GPHN: variants seen among roughly 807,000 people sequenced by gnomAD.
GPHN encodes gephyrin.
A neutral mutation model predicts 95.5 loss-of-function variants in GPHN; 17 were observed. That is an observed-to-expected ratio of 0.18 (90% CI 0.12 to 0.27). The LOEUF is 0.27. GPHN is among the 10% of genes least tolerant of loss of function. The probability of loss-of-function intolerance (pLI) is 1.00; values close to 1 mark genes in which losing one functional copy is unlikely to be tolerated. For synonymous variants in GPHN, 320 were observed against 322.5 expected (o/e 0.99, Z 0.08); for missense variants, 660 against 978.1 (o/e 0.67, Z 4.34).
At chr14:66,750,927 T>C (rs1270047813) in intron 2 of GPHN, among the ~76,000 whole-genome samples, 1 of 151,966 alleles carries the variant, frequency 6.6e-6, no homozygotes, top group African/African-American at 2.4e-5. Context: ...ATTTGGCTGG[T>C]TTTCTAATTT....
chr14:66,605,751 C>G (rs1271164690), intron 1 of GPHN, among the ~76,000 whole-genome samples: 2 of 152,012 alleles, frequency 1.3e-5, no homozygotes, highest in Non-Finnish European at 2.9e-5. Context: ...CCAGGATGGT[C>G]TCGATCTCCT....
At chr14:66,581,960 C>T (rs2061196452) in intron 1 of GPHN, among the ~76,000 whole-genome samples, 1 of 151,894 alleles carries the variant, frequency 6.6e-6, no homozygotes, top group South Asian at 2.1e-4. Context: ...TAGTATGCCT[C>T]TTTAAATAAT....
the GPHN span, among the ~76,000 whole-genome samples, chr14:67,403,431 C>T: frequency 4.6e-5 from 7 of 152,298 alleles, no homozygotes; most frequent in African/African-American, 1.7e-4. Flanking sequence ...GAAATGACAC[C>T]AACCTAGTAC....
intron 1 of GPHN, among the ~76,000 whole-genome samples, chr14:66,558,981 T>C (rs1026762516): frequency 6.6e-6 from 1 of 150,376 alleles, no homozygotes; most frequent in Non-Finnish European, 1.5e-5. Flanking sequence ...AGTGAGAATA[T>C]GTGGTGTTTG....
chr14:67,182,639 T>A (rs1030117245), downstream of GPHN, among the ~76,000 whole-genome samples: 29 of 152,082 alleles, frequency 1.9e-4, no homozygotes, highest in African/African-American at 6.8e-4. Flanking sequence ...CATGCTACTA[T>A]TTACAAACAT....
the GPHN span, among the ~76,000 whole-genome samples, chr14:67,697,530 A>G: frequency 3.3e-5 from 5 of 152,362 alleles, no homozygotes; most frequent in Admixed American, 1.3e-4. Flanking sequence ...CCCTGTCCCA[A>G]TGATTTATAT....
chr14:67,241,084 G>C, the GPHN span: 2 of 152,270 alleles, frequency 1.3e-5, no homozygotes, highest in Non-Finnish European at 2.9e-5. Context: ...GGCTCTACCG[G>C]GCCAGCTAGC....
chr14:66,977,430 CA>C lies in GPHN; in HGVS notation c.963+12117del, dbSNP rs1055532332. Among the ~76,000 whole-genome samples the C allele has an allele frequency of 8.8e-3, 1,206 of 137,660 alleles. 15 individuals are homozygous for C. The highest frequency in any genetic ancestry group is 0.029 in the African/African-American group (1,079 of 37,512). 90.3% of individuals were successfully genotyped at this position (137,660 alleles called of 152,430 possible). A position where few individuals can be genotyped will look rare whatever the true frequency, so the allele number is the denominator to read the frequency against. ...TGGGTGACAGAGCGAGACCCCATCT[CA>C]AAAAAAAAAAATTATGTTTTAATCA... On this transcript the variant is annotated intron_variant, in intron 9 of 22. Coordinates refer to ENST00000478722, the MANE Select transcript of GPHN (RefSeq NM_020806.5).
intron 4 of GPHN, among the ~76,000 whole-genome samples, chr14:66,824,789 A>G (rs2061333074): frequency 6.6e-6 from 1 of 152,122 alleles, no homozygotes; most frequent in African/African-American, 2.4e-5. Flanking sequence ...GGAAGATTAA[A>G]CTGGTCCAGA....
chr14:67,103,913 A>G (rs151104592), intron 13 of GPHN, among the ~76,000 whole-genome samples: 1 of 152,322 alleles, frequency 6.6e-6, no homozygotes, highest in East Asian at 1.9e-4. Flanking sequence ...TAGGTTGAAT[A>G]AAAGTGTTGA....
chr14:67,466,529 C>T, the GPHN span, among the ~76,000 whole-genome samples: 3 of 152,208 alleles, frequency 2.0e-5, no homozygotes. Context: ...CCCAAAAGAG[C>T]CTGGGAACTG....
the GPHN span, among the ~76,000 whole-genome samples, chr14:67,287,005 T>G: frequency 1.3e-5 from 2 of 151,924 alleles, no homozygotes; most frequent in African/African-American, 4.8e-5. Flanking sequence ...ATCACTTGAG[T>G]CCAGGAGTTC....
Position 66,621,464 on chromosome 14 carries a change from G to A in GPHN, c.65-59643G>A, listed in dbSNP as rs948027919. On this transcript the variant is annotated intron_variant, in intron 1 of 22. Transcript: ENST00000478722. ...TTTTGAGACAGAGTCTCCCTCTGTC[G>A]CCCAGGCTAGAGTGCAATGGCACGA... Among the ~76,000 whole-genome samples the A allele has an allele frequency of 1.6e-3, 237 of 145,204 alleles. 6 individuals are homozygous for A. Among genetic ancestry groups the A allele is most frequent in the Non-Finnish European group, 5.1e-4 (34 of 67,062 alleles).
the GPHN span, among the ~76,000 whole-genome samples, chr14:67,704,589 G>C: frequency 6.6e-6 from 1 of 152,086 alleles, no homozygotes; most frequent in Non-Finnish European, 1.5e-5. Flanking sequence ...AAACTCAGCA[G>C]GTGTCTTAGA....
At chr14:67,116,813 G>A (rs1180920260) in intron 16 of GPHN, among the ~76,000 whole-genome samples, 1 of 152,124 alleles carries the variant, frequency 6.6e-6, no homozygotes, top group Non-Finnish European at 1.5e-5. Flanking sequence ...TCCTTAAATT[G>A]TTTAAAAGAT....
intron 9 of GPHN, chr14:66,968,964 G>A (rs2069546168): frequency 6.7e-6 from 1 of 148,256 alleles, no homozygotes; most frequent in Non-Finnish European, 1.5e-5. Context: ...GACCGTTTAA[G>A]ATTCTCCAGC....
the GPHN span, among the ~76,000 whole-genome samples, chr14:67,365,855 AT>A: frequency 1.3e-5 from 2 of 152,112 alleles, no homozygotes; most frequent in African/African-American, 4.8e-5. Flanking sequence ...ACATACTGAC[AT>A]TTTAATTTTT....
intron 12 of GPHN, among the ~76,000 whole-genome samples, chr14:67,098,339 G>C (rs866225451): frequency 6.6e-6 from 1 of 152,050 alleles, no homozygotes; most frequent in African/African-American, 2.4e-5. Flanking sequence ...GAGCTTCAAA[G>C]GTATTGTTTT....
chr14:67,198,322 T>C, the GPHN span: 1 of 1,610,492 alleles, frequency 6.2e-7, no homozygotes, highest in East Asian at 2.2e-5. Context: ...TTTATCCAGG[T>C]AAATCATATT....
Sources: gnomAD v4.1 joint callset for allele counts (sites outside exome capture counted in the v4.1 genomes callset) on GRCh38, gnomAD v4.1.1 for gene constraint, MANE v1.5 for transcripts, NCBI Gene and HGNC (gene_info 2026-07-23, HGNC 2026-07-21) for gene names.